Variants in SEMA5A observed in about 807,000 individuals in gnomAD.
The protein encoded by SEMA5A is semaphorin 5A.
A neutral mutation model predicts 135.5 loss-of-function variants in SEMA5A; 55 were observed. The observed-to-expected ratio is 0.41, with a 90% CI of 0.33 to 0.51. The LOEUF is 0.51. SEMA5A is among the 20% of genes least tolerant of loss of function. The probability of loss-of-function intolerance (pLI) is 0.37; values close to 1 mark genes in which losing one functional copy is unlikely to be tolerated. For missense variants in SEMA5A, 1,290 were observed against 1,419.9 expected, an observed-to-expected ratio of 0.91 and a Z score of 1.47; for synonymous variants, 580 against 546.5, an observed-to-expected ratio of 1.06 and a Z score of -0.85.
intron 5 of SEMA5A, among the ~76,000 whole-genome samples, chr5:9,313,153 A>G (rs1752220639): frequency 6.6e-6 from 1 of 152,228 alleles, no homozygotes; most frequent in African/African-American, 2.4e-5. Flanking sequence ...AAGAATCATT[A>G]TTCAACATCC....
intron 3 of SEMA5A, among the ~76,000 whole-genome samples, chr5:9,356,595 C>A (rs1045200388): frequency 6.6e-6 from 1 of 152,134 alleles, no homozygotes; most frequent in African/African-American, 2.4e-5. Context: ...TTTTTATAGC[C>A]TCGGGAGCCC....
intron 16 of SEMA5A, among the ~76,000 whole-genome samples, chr5:9,088,003 A>G (rs1301492431): frequency 2.0e-5 from 3 of 152,232 alleles, no homozygotes; most frequent in East Asian, 1.9e-4. Flanking sequence ...ATATGAAGAC[A>G]GTGGCCGGGC....
At chr5:9,373,813 G>C (rs773833821) in intron 3 of SEMA5A, among the ~76,000 whole-genome samples, 1 of 152,186 alleles carries the variant, frequency 6.6e-6, no homozygotes, top group Non-Finnish European at 1.5e-5. Context: ...CTTTCTTTGT[G>C]AATAATGTGA....
intron 21 of SEMA5A, among the ~76,000 whole-genome samples, chr5:9,049,281 C>A (rs1263133581): frequency 6.6e-5 from 10 of 152,252 alleles, no homozygotes; most frequent in African/African-American, 2.4e-4. Flanking sequence ...CCTGCCTCAG[C>A]CTCTCCACTA....
At chr5:9,318,232 T>C in intron 5 of SEMA5A, 140 bp downstream of exon 5, 1 of 647,042 alleles carries the variant, frequency 1.5e-6, no homozygotes, top group Non-Finnish European at 2.6e-6. Flanking sequence ...GCCGCCTTAG[T>C]CCCGTGGCCT....
intron 8 of SEMA5A, among the ~76,000 whole-genome samples, chr5:9,218,373 C>A (rs1404300583): frequency 1.3e-5 from 2 of 152,098 alleles, no homozygotes; most frequent in Non-Finnish European, 2.9e-5. Flanking sequence ...CTGCTGGCTG[C>A]CTGGAAGTTT....
rs1167916136 is a variant in SEMA5A, at chr5:9,318,372, C to T, written c.270G>A (p.Gln90=). The T allele has an allele frequency of 3.7e-6, 6 of 1,611,474 alleles. No homozygotes were observed. The highest frequency in any genetic ancestry group is 5.1e-6 in the Non-Finnish European group (6 of 1,178,896). The change falls in exon 5 of 23, where the codon CAG becomes CAA. Residue 90 remains glutamine (Q), a splice_region_variant and synonymous_variant. Transcript: ENST00000382496. ...CTTGAGAAAAATAAATTGCACCTAC[C>T]TGGATAAGAGACAGATCCTCAAGCT... ...RLQLEDLSLI[Q]AVEWECDEAT...
At chr5:9,043,696 CTAGAAGGATTCGTTA>C (rs1368357228) in intron 22 of SEMA5A, among the ~76,000 whole-genome samples, 1 of 152,192 alleles carries the variant, frequency 6.6e-6, no homozygotes, top group Non-Finnish European at 1.5e-5. Flanking sequence ...GACAAATGTT[CTAGAAGGATTCGTTA>C]AAGACTGGAC....
intron 1 of SEMA5A, among the ~76,000 whole-genome samples, chr5:9,536,386 G>A (rs978117512): frequency 6.6e-6 from 1 of 152,072 alleles, no homozygotes; most frequent in African/African-American, 2.4e-5. Flanking sequence ...GCCAAGGTGG[G>A]TGGATCACTT....
chr5:9,242,306 AAGT>A (rs1748244618), intron 5 of SEMA5A, among the ~76,000 whole-genome samples: 1 of 152,242 alleles, frequency 6.6e-6, no homozygotes, highest in Admixed American at 6.5e-5. Context: ...AGGGTCACAC[AAGT>A]GTCACTTGAG....
intron 3 of SEMA5A, 99 bp downstream of exon 3, chr5:9,379,724 G>A (rs1299956792): frequency 7.1e-7 from 1 of 1,417,410 alleles, no homozygotes; most frequent in Non-Finnish European, 9.6e-7. Context: ...AGAGCCACTG[G>A]ATTATACAGC....
chr5:9,496,887 T>C (rs1427163827), intron 1 of SEMA5A, among the ~76,000 whole-genome samples: 1 of 152,242 alleles, frequency 6.6e-6, no homozygotes, highest in African/African-American at 2.4e-5. Flanking sequence ...ACACACAACC[T>C]GCTACCAGCT....
intron 9 of SEMA5A, among the ~76,000 whole-genome samples, chr5:9,197,785 T>TGTATGTG (rs1561011433): frequency 8.5e-6 from 1 of 117,864 alleles, no homozygotes; most frequent in Non-Finnish European, 1.6e-5. Flanking sequence ...TGTGTGTGTG[T>TGTATGTG]TTTAACCCAG....
chr5:9,280,055 A>G (rs1032027615), intron 5 of SEMA5A, among the ~76,000 whole-genome samples: 2 of 152,226 alleles, frequency 1.3e-5, no homozygotes, highest in African/African-American at 2.4e-5. Flanking sequence ...TGTCTGAGGG[A>G]CAGGATTTTA....
chr5:9,403,326 G>A (rs1291429179), intron 2 of SEMA5A, among the ~76,000 whole-genome samples: 3 of 152,076 alleles, frequency 2.0e-5, no homozygotes, highest in East Asian at 1.9e-4. Context: ...TATCACAATC[G>A]AGCTTAGGTC....
rs1240751539 is a variant in SEMA5A, at chr5:9,038,687, G to A, written c.*4210C>T. On this transcript the variant is annotated 3_prime_UTR_variant, in exon 23 of 23. Transcript: ENST00000382496. ...AATTATACGCTAATGGATCCCCTTA[G>A]AGAGCCACTTGGGGACATAGAGACC... 6.6e-6 allele frequency: 1 copy of A among 151,554 alleles called. No homozygotes were observed. Among genetic ancestry groups the A allele is most frequent in the African/African-American group, 2.4e-5 (1 of 41,262 alleles). 9.4% of individuals were successfully genotyped at this position (151,554 alleles called of 1,614,324 possible). A position where few individuals can be genotyped will look rare whatever the true frequency, so the allele number is the denominator to read the frequency against.
intron 3 of SEMA5A, among the ~76,000 whole-genome samples, chr5:9,377,164 C>T (rs113891616): frequency 1.5e-3 from 226 of 150,682 alleles, no homozygotes; most frequent in African/African-American, 5.2e-3. Context: ...GAGTAGGCTC[C>T]AGCATATATC....
intron 8 of SEMA5A, among the ~76,000 whole-genome samples, chr5:9,216,866 T>G (rs987320823): frequency 6.6e-6 from 1 of 152,214 alleles, no homozygotes; most frequent in African/African-American, 2.4e-5. Flanking sequence ...TTTGAGCCTA[T>G]GGGTGTCACT....
intron 14 of SEMA5A, 130 bp from the exon 15 acceptor site, chr5:9,119,271 C>A (rs1740686690): frequency 9.1e-7 from 1 of 1,099,492 alleles, no homozygotes; most frequent in Non-Finnish European, 1.3e-6. Context: ...GAGAAAACAC[C>A]AGCCAGGGGA....
Sources: allele counts gnomAD v4.1 joint callset (sites outside exome capture counted in the v4.1 genomes callset), GRCh38; gene constraint gnomAD v4.1.1; transcripts MANE v1.5; gene names NCBI Gene and HGNC (gene_info 2026-07-23, HGNC 2026-07-21).